Variants in ARB2A observed in about 807,000 individuals in gnomAD.
ARB2A encodes ARB2 cotranscriptional regulator A, also known as cotranscriptional regulator ARB2A.
the ARB2A span, among the ~76,000 whole-genome samples, chr5:93,643,528 A>G: frequency 6.6e-6 from 1 of 152,042 alleles, no homozygotes; most frequent in Non-Finnish European, 1.5e-5. Context: ...ATTTTTTGCT[A>G]TTGTTGCCCA....
the ARB2A span, among the ~76,000 whole-genome samples, chr5:93,841,518 C>T: frequency 6.6e-6 from 1 of 152,140 alleles, no homozygotes; most frequent in Non-Finnish European, 1.5e-5. Flanking sequence ...GAAGGAGGGG[C>T]TGTCCTGAAA....
chr5:93,958,894 C>A, the ARB2A span: 1 of 1,608,522 alleles, frequency 6.2e-7, no homozygotes, highest in Non-Finnish European at 8.5e-7. Flanking sequence ...TTAAAACCAT[C>A]AGTTTCTGTG....
chr5:93,706,714 AAGTT>A, the ARB2A span, among the ~76,000 whole-genome samples: 1 of 152,024 alleles, frequency 6.6e-6, no homozygotes, highest in Non-Finnish European at 1.5e-5. Context: ...AAAATACAAA[AAGTT>A]AGCCAGGCGT....
chr5:94,095,128 G>C, the ARB2A span, among the ~76,000 whole-genome samples: 5 of 152,160 alleles, frequency 3.3e-5, no homozygotes, highest in Admixed American at 2.0e-4. Context: ...TGCCCACATG[G>C]TTGAGGTCAG....
the ARB2A span, among the ~76,000 whole-genome samples, chr5:93,851,508 T>C: frequency 3.9e-5 from 6 of 152,174 alleles, no homozygotes; most frequent in South Asian, 2.1e-4. Flanking sequence ...AATGTGCAGG[T>C]TAGTTACACA....
the ARB2A span, among the ~76,000 whole-genome samples, chr5:93,767,027 C>T: frequency 1.9e-3 from 174 of 89,816 alleles, no homozygotes; most frequent in Admixed American, 5.0e-3. Context: ...CATCACACAC[C>T]GGGGCCTGTT....
At chr5:93,962,544 A>G in the ARB2A span, among the ~76,000 whole-genome samples, 1 of 152,044 alleles carries the variant, frequency 6.6e-6, no homozygotes, top group African/African-American at 2.4e-5. Flanking sequence ...ATCACCAGGA[A>G]AAAAAAGGTT....
At chr5:93,693,701 AT>A in the ARB2A span, among the ~76,000 whole-genome samples, 1 of 152,176 alleles carries the variant, frequency 6.6e-6, no homozygotes, top group African/African-American at 2.4e-5. Flanking sequence ...TCCCTAACTC[AT>A]TTTATGAGGC....
the ARB2A span, chr5:93,618,236 T>C: frequency 6.6e-6 from 1 of 152,024 alleles, no homozygotes; most frequent in Non-Finnish European, 1.5e-5. Context: ...AGGTACATGG[T>C]CTTCTTTTCA....
At chr5:93,679,144 T>C in the ARB2A span, among the ~76,000 whole-genome samples, 1 of 152,220 alleles carries the variant, frequency 6.6e-6, no homozygotes, top group East Asian at 1.9e-4. Context: ...CAACATCTAC[T>C]GTACTTTAAG....
At chr5:93,930,164 C>T in the ARB2A span, among the ~76,000 whole-genome samples, 1 of 152,152 alleles carries the variant, frequency 6.6e-6, no homozygotes, top group Non-Finnish European at 1.5e-5. Flanking sequence ...TGTGAAATTT[C>T]CCACTACTGC....
At chr5:94,009,962 T>C in the ARB2A span, among the ~76,000 whole-genome samples, 1 of 151,818 alleles carries the variant, frequency 6.6e-6, no homozygotes, top group African/African-American at 2.4e-5. Flanking sequence ...AGCGGCTTTA[T>C]CAATTTTACT....
chr5:93,865,382 T>C, the ARB2A span: 1 of 985,232 alleles, frequency 1.0e-6, no homozygotes, highest in Non-Finnish European at 1.2e-6. Context: ...GCCCAGCCGA[T>C]CCTGGATAAT....
chr5:93,633,931 G>C, the ARB2A span, among the ~76,000 whole-genome samples: 1 of 151,872 alleles, frequency 6.6e-6, no homozygotes, highest in Non-Finnish European at 1.5e-5. Flanking sequence ...TCAGCCTCCC[G>C]AGTAGTAGGA....
the ARB2A span, among the ~76,000 whole-genome samples, chr5:93,709,698 T>C: frequency 1.3e-5 from 2 of 149,272 alleles, no homozygotes; most frequent in South Asian, 2.1e-4. Context: ...TTGCAGATTA[T>C]ATATATTTAG....
the ARB2A span, among the ~76,000 whole-genome samples, chr5:94,034,088 G>A: frequency 1.3e-5 from 2 of 152,234 alleles, no homozygotes; most frequent in Non-Finnish European, 2.9e-5. Flanking sequence ...GCAGATGCCA[G>A]TGTTATGCTT....
At chr5:94,066,913 C>G in the ARB2A span, among the ~76,000 whole-genome samples, 1 of 152,112 alleles carries the variant, frequency 6.6e-6, no homozygotes, top group African/African-American at 2.4e-5. Context: ...GCCAATATTC[C>G]TGACAAACAT....
the ARB2A span, among the ~76,000 whole-genome samples, chr5:93,905,647 T>C: frequency 6.6e-6 from 1 of 151,604 alleles, no homozygotes; most frequent in Non-Finnish European, 1.5e-5. Context: ...TGTCTCTGTT[T>C]GCATACAAGG....
chr5:93,646,080 ATTAT>A, the ARB2A span, among the ~76,000 whole-genome samples: 1 of 152,182 alleles, frequency 6.6e-6, no homozygotes, highest in Non-Finnish European at 1.5e-5. Flanking sequence ...ATCTTATGAA[ATTAT>A]TTAGTAAGAC....
Sources: allele counts gnomAD v4.1 joint callset (sites outside exome capture counted in the v4.1 genomes callset), GRCh38; gene constraint gnomAD v4.1.1; transcripts MANE v1.5; gene names NCBI Gene and HGNC (gene_info 2026-07-23, HGNC 2026-07-21).